The following EYS variants were observed in gnomAD, a reference collection of about 807,000 sequenced individuals.
EYS encodes the protein protein eyes shut homolog.
In EYS, 250 loss-of-function variants were observed where a neutral mutation model predicts 282.1. The observed-to-expected ratio is 0.89, with a 90% CI of 0.80 to 0.98. EYS has a LOEUF of 0.98. Among genes scored for constraint, EYS ranks in the 50% least tolerant of loss-of-function variants. The pLI, the probability that EYS is intolerant of heterozygous loss-of-function variation, is 0.00. For missense variants in EYS, 4,016 were observed against 3,709.0 expected, an observed-to-expected ratio of 1.08 and a Z score of -2.15; for synonymous variants, 1,355 against 1,282.9, an observed-to-expected ratio of 1.06 and a Z score of -1.20.
intron 36 of EYS, among the ~76,000 whole-genome samples, chr6:63,830,276 T>C (rs1169752363): frequency 6.6e-6 from 1 of 152,150 alleles, no homozygotes; most frequent in Non-Finnish European, 1.5e-5. Flanking sequence ...TCCTCCCAGC[T>C]AAAGGAGGAC....
At chr6:64,117,323 G>A (rs1423906592) in intron 31 of EYS, among the ~76,000 whole-genome samples, 4 of 118,890 alleles carry the variant, frequency 3.4e-5, no homozygotes, top group Non-Finnish European at 5.1e-5. Context: ...AGAAAGAGAG[G>A]AACAACCCCC....
chr6:64,871,656 A>T (rs1378636805), intron 19 of EYS, among the ~76,000 whole-genome samples: 17 of 152,028 alleles, frequency 1.1e-4, no homozygotes, highest in Admixed American at 2.0e-4. Flanking sequence ...AAAGGTCAAC[A>T]CCATACTAAA....
Position 64,987,334 on chromosome 6 carries a change from T to C in EYS, c.2259+10248A>G, listed in dbSNP as rs535258248. On this transcript the variant is annotated intron_variant, in intron 14 of 42. Transcript: ENST00000503581. ...ATCACTGTGGCTATGCACAGTCCAA[T>C]ACTTATGCACTATGGCTCTGCAACT... Among the ~76,000 whole-genome samples, 4 of 151,644 alleles carry C rather than the reference T, an allele frequency of 2.6e-5. No individual in the cohort carries two copies. The East Asian group carries it at 7.8e-4, about 30-fold the overall frequency.
At chr6:63,985,784 T>C (rs1402323889) in intron 34 of EYS, among the ~76,000 whole-genome samples, 2 of 151,768 alleles carry the variant, frequency 1.3e-5, no homozygotes, top group Non-Finnish European at 2.9e-5. Context: ...CAGCACAAGA[T>C]GGATTACTTA....
At chr6:64,798,246 C>T (rs550480176) in intron 22 of EYS, among the ~76,000 whole-genome samples, 1 of 151,862 alleles carries the variant, frequency 6.6e-6, no homozygotes, top group East Asian at 1.9e-4. Flanking sequence ...CTCATATCTC[C>T]CTCAAGATTT....
chr6:65,496,643 T>C lies in EYS; in HGVS notation c.-332-650A>G, dbSNP rs548530632. On this transcript the variant is annotated intron_variant, in intron 2 of 42. Transcript: ENST00000503581. ...AGTACACCTAATTAACAAGGTAGTA[T>C]TGAAGATGGAATGACTACGTAAACA... Among the ~76,000 whole-genome samples the C allele has an allele frequency of 5.9e-5, 9 of 152,232 alleles. 1 individual carries two copies. The highest frequency in any genetic ancestry group is 2.2e-4 in the African/African-American group (9 of 41,574).
intron 12 of EYS, among the ~76,000 whole-genome samples, chr6:65,128,939 A>G (rs946550927): frequency 1.3e-5 from 2 of 152,060 alleles, no homozygotes; most frequent in East Asian, 1.9e-4. Context: ...AGTAAAAAAA[A>G]CCAGCATGGA....
chr6:64,800,653 C>T (rs1413261889), intron 22 of EYS, among the ~76,000 whole-genome samples: 1 of 151,048 alleles, frequency 6.6e-6, no homozygotes, highest in Non-Finnish European at 1.5e-5. Flanking sequence ...GTTGTATAAG[C>T]AGGCTTTCCT....
intron 12 of EYS, among the ~76,000 whole-genome samples, chr6:65,250,606 A>G (rs1016923638): frequency 1.3e-5 from 2 of 151,974 alleles, no homozygotes; most frequent in Non-Finnish European, 2.9e-5. Context: ...TTTTATCCCA[A>G]CTTACTTCCA....
At chr6:64,497,319 G>T (rs1461204937) in intron 26 of EYS, among the ~76,000 whole-genome samples, 1 of 152,114 alleles carries the variant, frequency 6.6e-6, no homozygotes, top group Non-Finnish European at 1.5e-5. Context: ...TTTAAAAGAA[G>T]CATTCTGCAT....
At chr6:65,052,356 A>C (rs895000239) in intron 13 of EYS, among the ~76,000 whole-genome samples, 6 of 151,556 alleles carry the variant, frequency 4.0e-5, no homozygotes, top group Non-Finnish European at 7.4e-5. Context: ...CTTTACACTC[A>C]AAACATAAAA....
intron 15 of EYS, among the ~76,000 whole-genome samples, chr6:64,924,360 A>G (rs1583298085): frequency 6.6e-6 from 1 of 152,168 alleles, no homozygotes; most frequent in East Asian, 1.9e-4. Context: ...CCAGCCCACA[A>G]AACCATTTTT....
At chr6:65,413,519 C>G (rs1028054484) in intron 5 of EYS, among the ~76,000 whole-genome samples, 3 of 152,084 alleles carry the variant, frequency 2.0e-5, no homozygotes, top group Non-Finnish European at 1.5e-5. Context: ...CAAGGAATAT[C>G]TAAGATTTAT....
At chr6:65,547,060 A>T (rs1768419071) in intron 2 of EYS, among the ~76,000 whole-genome samples, 1 of 151,876 alleles carries the variant, frequency 6.6e-6, no homozygotes, top group Non-Finnish European at 1.5e-5. Flanking sequence ...GCCACTACGA[A>T]AAAACTGCCA....
intron 29 of EYS, among the ~76,000 whole-genome samples, chr6:64,367,588 A>T (rs1772221017): frequency 1.4e-5 from 2 of 145,004 alleles, no homozygotes; most frequent in South Asian, 4.6e-4. Context: ...GGAAGTGGTG[A>T]TAAACACCTA....
In EYS at chr6:65,005,053, T is replaced by C. The variant is rs1583386427; in HGVS notation, c.2138-7350A>G. Among the ~76,000 whole-genome samples, 2 of 147,944 alleles carry C rather than the reference T, an allele frequency of 1.4e-5. 1 individual carries two copies. Among genetic ancestry groups the C allele is most frequent in the Non-Finnish European group, 3.0e-5 (2 of 66,030 alleles). On this transcript the variant is annotated intron_variant, in intron 13 of 42. Coordinates refer to ENST00000503581, the MANE Select transcript of EYS (RefSeq NM_001142800.2). ...GCTCTGTTTTCACTCTGTTAAATCT[T>C]GCAACTGCACTCTTCTGGTCTATGT...
intron 19 of EYS, among the ~76,000 whole-genome samples, chr6:64,862,400 G>C (rs2150049105): frequency 6.6e-6 from 1 of 151,170 alleles, no homozygotes; most frequent in Non-Finnish European, 1.5e-5. Context: ...AATGATTATG[G>C]GAGTGATGAC....
At position 64,922,477 on chromosome 6, in the gene EYS, T is replaced by C. The variant is rs949352364; in HGVS notation, c.2382-9734A>G. ...ATAAGTATTATTTTACCAAGCATAT[T>C]AAAATTACAGCTAGATAATTTTAAG... is the stretch of plus-strand genomic sequence containing the variant. On this transcript the variant is annotated intron_variant, in intron 15 of 42. Transcript: ENST00000503581. Among the ~76,000 whole-genome samples the C allele has an allele frequency of 5.3e-5, 8 of 152,184 alleles. No individual in the cohort carries two copies. The South Asian group carries it at 1.0e-3, about 20-fold the overall frequency.
chr6:65,204,405 TAAA>T (rs112984476), intron 12 of EYS, among the ~76,000 whole-genome samples: 1 of 135,094 alleles, frequency 7.4e-6, no homozygotes. Context: ...TTAGCCTCCT[TAAA>T]AAAAAAAAAA....
Sources: gnomAD v4.1 joint callset for allele counts (sites outside exome capture counted in the v4.1 genomes callset) on GRCh38, gnomAD v4.1.1 for gene constraint, MANE v1.5 for transcripts, NCBI Gene and HGNC (gene_info 2026-07-23, HGNC 2026-07-21) for gene names.